PTPRN2: variants seen among roughly 807,000 people sequenced by gnomAD.
PTPRN2 encodes the protein receptor-type tyrosine-protein phosphatase N2.
A neutral mutation model predicts 118.8 loss-of-function variants in PTPRN2; 74 were observed. That is an observed-to-expected ratio of 0.62 (90% CI 0.52 to 0.76). The LOEUF (loss-of-function observed/expected upper bound fraction) is 0.76, where lower values mean the gene tolerates loss of function less well. Among genes scored for constraint, PTPRN2 ranks in the 30% least tolerant of loss-of-function variants. The pLI is 0.00. For synonymous variants in PTPRN2, 641 were observed against 608.0 expected (o/e 1.05, Z -0.80); for missense variants, 1,481 against 1,394.4 (o/e 1.06, Z -0.99).
intron 12 of PTPRN2, among the ~76,000 whole-genome samples, chr7:157,726,081 T>G (rs1290324253): frequency 1.0e-5 from 1 of 98,804 alleles, no homozygotes; most frequent in Non-Finnish European, 1.9e-5. Flanking sequence ...CGCAGAGGAG[T>G]GTGGCCAGAC....
rs761746319 is a variant in PTPRN2, at chr7:157,595,261, C to T, written c.2473G>A (p.Ala825Thr). Residue 825 changes from alanine to threonine, a missense_variant, in exon 17 of 23, where the codon GCC becomes ACC. Coordinates refer to ENST00000389418, the MANE Select transcript of PTPRN2 (RefSeq NM_002847.5). The part of the protein sequence containing the change: ...AYIATQGPLP[A>T]TVADFWQMVW... ...ACCTGCCAAAAGTCAGCCACGGTGG[C>T]GGGCAGCGGTCCCTGGGTGGCGATG... The T allele has an allele frequency of 1.1e-5, 17 of 1,614,150 alleles. No homozygotes were observed. Among genetic ancestry groups the T allele is most frequent in the African/African-American group, 5.3e-5 (4 of 75,042 alleles).
chr7:157,565,170 A>T (rs1799421911), intron 21 of PTPRN2, among the ~76,000 whole-genome samples: 1 of 152,246 alleles, frequency 6.6e-6, no homozygotes, highest in African/African-American at 2.4e-5. Flanking sequence ...GTGTATCCAC[A>T]CACAAAATAG....
intron 14 of PTPRN2, among the ~76,000 whole-genome samples, chr7:157,651,477 T>C (rs1805655632): frequency 1.3e-5 from 2 of 152,180 alleles, no homozygotes; most frequent in Admixed American, 1.3e-4. Context: ...GAAGCCAACT[T>C]TTTTCTTAAC....
At chr7:158,285,930 C>T (rs1799739712) in intron 3 of PTPRN2, among the ~76,000 whole-genome samples, 1 of 150,414 alleles carries the variant, frequency 6.6e-6, no homozygotes, top group African/African-American at 2.4e-5. Context: ...GATCCAGCCA[C>T]ACAGAGGTGT....
chr7:157,941,358 C>T (rs112566021), intron 11 of PTPRN2, among the ~76,000 whole-genome samples: 1 of 109,062 alleles, frequency 9.2e-6, no homozygotes, highest in Non-Finnish European at 1.7e-5. Context: ...TGACACCCTC[C>T]CCTGTGACAC....
chr7:158,075,592 G>A (rs1348341150), intron 11 of PTPRN2, among the ~76,000 whole-genome samples: 11 of 152,154 alleles, frequency 7.2e-5, no homozygotes, highest in Non-Finnish European at 7.4e-5. Context: ...CGCTTCCCAC[G>A]CCGCGCCCTC....
At chr7:158,311,304 G>C (rs117628279) in intron 3 of PTPRN2, among the ~76,000 whole-genome samples, 1 of 152,192 alleles carries the variant, frequency 6.6e-6, no homozygotes, top group East Asian at 1.9e-4. Context: ...GTACATATTT[G>C]GTTTTTTTGC....
At chr7:157,649,238 G>A (rs199716794) in intron 14 of PTPRN2, among the ~76,000 whole-genome samples, 19 of 103,426 alleles carry the variant, frequency 1.8e-4, no homozygotes, top group African/African-American at 5.6e-4. Flanking sequence ...CACTGAACTC[G>A]GTGGGTTGGA....
intron 3 of PTPRN2, among the ~76,000 whole-genome samples, chr7:158,278,184 ACTTC>A (rs1799161492): frequency 6.6e-6 from 1 of 152,128 alleles, no homozygotes; most frequent in Admixed American, 6.5e-5. Flanking sequence ...GGATGTAGGA[ACTTC>A]CTTCCAGAAT....
At chr7:158,063,502 C>G (rs1585310231) in intron 11 of PTPRN2, among the ~76,000 whole-genome samples, 1 of 152,162 alleles carries the variant, frequency 6.6e-6, no homozygotes, top group South Asian at 2.1e-4. Context: ...GCTGCCCGAG[C>G]CAGCAGTGGC....
At chr7:158,167,474 C>T (rs1823138789) in intron 5 of PTPRN2, among the ~76,000 whole-genome samples, 183 bp from the exon 6 acceptor site, 1 of 147,336 alleles carries the variant, frequency 6.8e-6, no homozygotes. Context: ...AAAGCCAAAA[C>T]AGGACTCTCA....
chr7:158,287,079 A>C (rs948605507), intron 3 of PTPRN2, among the ~76,000 whole-genome samples: 1 of 152,096 alleles, frequency 6.6e-6, no homozygotes, highest in Non-Finnish European at 1.5e-5. Flanking sequence ...CTTGGTAGGT[A>C]TCATATGCTT....
At chr7:158,300,617 T>C (rs889535127) in intron 3 of PTPRN2, among the ~76,000 whole-genome samples, 2 of 9,202 alleles carry the variant, frequency 2.2e-4, no homozygotes, top group African/African-American at 7.3e-4. Context: ...TCTGTGCTCA[T>C]GTGGCCCTAA....
rs1297867374 is a variant in PTPRN2 at position 157,898,699 on chromosome 7, T to G, written c.1762A>C (p.Lys588Gln). 6.2e-7 allele frequency: 1 copy of G among 1,607,702 alleles called. No individual in the cohort carries two copies. Among genetic ancestry groups the G allele is most frequent in the East Asian group, 2.2e-5 (1 of 44,854 alleles). The change falls in exon 12 of 23, where the codon AAA becomes CAA. Residue 588 changes from lysine (K) to glutamine (Q), a missense_variant. Coordinates refer to ENST00000389418, the MANE Select transcript of PTPRN2 (RefSeq NM_002847.5). ...GACCCGACTCCGGTTTGAAGAATTT[T>G]CAGTCCAGAGGTTTCCTCCAGTTTG... Reference protein sequence around the residue: ...KDKLEETSGLKILQTGVGSKS... With the variant: ...KDKLEETSGLQILQTGVGSKS...
chr7:158,066,038 C>T (rs1246844345), intron 11 of PTPRN2, among the ~76,000 whole-genome samples: 1 of 152,218 alleles, frequency 6.6e-6, no homozygotes, highest in Admixed American at 6.5e-5. Context: ...CTCAGTTTAC[C>T]TATGTGTCCC....
In PTPRN2 at chr7:157,550,701, G is replaced by C. The variant is rs1041956941; in HGVS notation, c.2903-1682C>G. On this transcript the variant is annotated intron_variant, in intron 21 of 22. Transcript: ENST00000389418. The surrounding 1 kb of genome is among the most constrained non-coding windows in gnomAD (Gnocchi z 5.2). ...TCTCCTGGGCAGGGAACACCATGAG[G>C]GCCACCACCTTTTAAGCCAGAGCCT... Among the ~76,000 whole-genome samples, 11 of 152,198 alleles carry C rather than the reference G, an allele frequency of 7.2e-5. No individual in the cohort carries two copies. The highest frequency in any genetic ancestry group is 2.7e-4 in the African/African-American group (11 of 41,462).
rs11438939 is a variant in PTPRN2, at chr7:158,356,787, T to TAAA, written c.164-39858_164-39856dup. ...TAACAAAGCAAAAGGTGAAAAGAGCTAAAAAAAAAAAAGTAGAAATAATTT... is the reference window on the plus strand; with the variant it reads ...TAACAAAGCAAAAGGTGAAAAGAGCTAAAAAAAAAAAAAAAGTAGAAATAATTT... On this transcript the variant is annotated intron_variant, in intron 2 of 22. Transcript: ENST00000389418. Among the ~76,000 whole-genome samples the TAAA allele has an allele frequency of 1.2e-3, 175 of 148,578 alleles. 1 individual carries two copies. The highest frequency in any genetic ancestry group is 1.9e-3 in the South Asian group (9 of 4,692).
At chr7:158,113,042 GCATTGAGGGCCCCCCAA>G (rs1323703134) in intron 9 of PTPRN2, among the ~76,000 whole-genome samples, 5 of 151,598 alleles carry the variant, frequency 3.3e-5, no homozygotes, top group South Asian at 4.2e-4. Flanking sequence ...GGGCCCCCCA[GCATTGAGGGCCCCCCAA>G]CATTTAGGGC....
chr7:157,947,875 T>C (rs1800582230), intron 11 of PTPRN2, among the ~76,000 whole-genome samples: 1 of 152,210 alleles, frequency 6.6e-6, no homozygotes. Flanking sequence ...CCAGAAACCA[T>C]GGAGGCCTGA....
Sources: allele counts gnomAD v4.1 joint callset (sites outside exome capture counted in the v4.1 genomes callset), GRCh38; gene constraint gnomAD v4.1.1; non-coding constraint Gnocchi (gnomAD v3.1); transcripts MANE v1.5; gene names NCBI Gene and HGNC (gene_info 2026-07-23, HGNC 2026-07-21).